Variants in THSD7B observed in about 807,000 individuals in gnomAD.
THSD7B encodes the protein thrombospondin type 1 domain containing 7B, also known as thrombospondin type-1 domain-containing protein 7B.
A neutral mutation model predicts 213.6 loss-of-function variants in THSD7B; 138 were observed. The ratio of observed to expected loss-of-function variants is 0.65; its 90% CI spans 0.56 to 0.74. The LOEUF (loss-of-function observed/expected upper bound fraction) is 0.74, where lower values mean the gene tolerates loss of function less well. Ranked by LOEUF, THSD7B falls within the 30% of genes least tolerant of loss-of-function variation. The pLI is 0.00. For missense variants in THSD7B, 1,931 were observed against 1,991.5 expected, an observed-to-expected ratio of 0.97 and a Z score of 0.58; for synonymous variants, 742 against 687.0, an observed-to-expected ratio of 1.08 and a Z score of -1.25.
chr2:137,579,142 A>AT (rs1681523477), intron 17 of THSD7B, among the ~76,000 whole-genome samples: 1 of 152,126 alleles, frequency 6.6e-6, no homozygotes, highest in Non-Finnish European at 1.5e-5. Flanking sequence ...TCCCTTAATC[A>AT]TTTTATTTTC....
chr2:137,610,761 AT>A lies in THSD7B; in HGVS notation c.3424-5405del, dbSNP rs561485900. On this transcript the variant is annotated intron_variant, in intron 17 of 27. Coordinates refer to ENST00000409968, the MANE Select transcript of THSD7B (RefSeq NM_001316349.2). ...TGACAAGTTTACATTTAAGAATCACATTTTTTTTTGCTTTAGATGTCATATA... is the reference window on the plus strand; with the variant it reads ...TGACAAGTTTACATTTAAGAATCACATTTTTTTTGCTTTAGATGTCATATA... 2.9e-3 allele frequency among the ~76,000 whole-genome samples: 430 copies of A among 149,992 alleles called. 1 individual carries two copies. Among genetic ancestry groups the A allele is most frequent in the African/African-American group, 8.9e-3 (363 of 40,960 alleles).
At chr2:137,219,277 G>A (rs1369045437) in intron 7 of THSD7B, among the ~76,000 whole-genome samples, 2 of 152,138 alleles carry the variant, frequency 1.3e-5, no homozygotes, top group Non-Finnish European at 2.9e-5. Flanking sequence ...GTTATCCTCT[G>A]AGAATTACAC....
At position 137,220,037 on chromosome 2, in the gene THSD7B, T is replaced by C. The variant is rs536041348; in HGVS notation, c.1724-11007T>C. ...GTTGGAGAATTCACTCTATCCAAAA[T>C]TATAAAATTATATGTTCTAATACAG... is the stretch of plus-strand genomic sequence containing the variant. On this transcript the variant is annotated intron_variant, in intron 7 of 27. Coordinates refer to ENST00000409968, the MANE Select transcript of THSD7B (RefSeq NM_001316349.2). Among the ~76,000 whole-genome samples the C allele has an allele frequency of 3.1e-4, 47 of 152,302 alleles. No homozygotes were observed. In the South Asian group the frequency reaches 4.1e-3, roughly 13 times the overall value.
intron 12 of THSD7B, among the ~76,000 whole-genome samples, chr2:137,341,732 C>G (rs912696607): frequency 1.3e-5 from 2 of 151,506 alleles, no homozygotes; most frequent in African/African-American, 4.8e-5. Context: ...GTCCTTTTTA[C>G]TATTGCATAT....
chr2:136,811,392 T>G (rs1218333981), intron 1 of THSD7B, among the ~76,000 whole-genome samples: 3 of 152,068 alleles, frequency 2.0e-5, no homozygotes, highest in Admixed American at 6.6e-5. Flanking sequence ...GAAATGAGGG[T>G]GAGGACTCAT....
At chr2:137,104,398 G>A (rs1426868163) in intron 4 of THSD7B, among the ~76,000 whole-genome samples, 1 of 152,130 alleles carries the variant, frequency 6.6e-6, no homozygotes, top group Non-Finnish European at 1.5e-5. Context: ...AGAGGGAAAT[G>A]TATAGCACTA....
At chr2:136,774,873 T>C (rs1403914197) in intron 1 of THSD7B, among the ~76,000 whole-genome samples, 1 of 152,124 alleles carries the variant, frequency 6.6e-6, no homozygotes, top group African/African-American at 2.4e-5. Context: ...TATTTTTTTA[T>C]AGCTAAGCAG....
intron 15 of THSD7B, among the ~76,000 whole-genome samples, chr2:137,451,554 T>G (rs996765730): frequency 6.6e-6 from 1 of 151,490 alleles, no homozygotes; most frequent in African/African-American, 2.4e-5. Flanking sequence ...CTTCTTTACC[T>G]GCTTTCTCAA....
In THSD7B at chr2:136,982,805, CTG is replaced by C. The variant is rs558136389; in HGVS notation, c.140-73612_140-73611del. On this transcript the variant is annotated intron_variant, in intron 2 of 27. Coordinates refer to ENST00000409968, the MANE Select transcript of THSD7B (RefSeq NM_001316349.2). Reference sequence around the variant, plus strand: ...TTTGATTAAGGCCAGTTTTAGAAAACTGTGAATTCAGAAAGGTTAATTTAGAA... The same window carrying C: ...TTTGATTAAGGCCAGTTTTAGAAAACTGAATTCAGAAAGGTTAATTTAGAA... 3.7e-3 allele frequency among the ~76,000 whole-genome samples: 561 copies of C among 152,226 alleles called. 4 individuals are homozygous for C. The highest frequency in any genetic ancestry group is 0.013 in the African/African-American group (538 of 41,536).
chr2:137,419,429 G>GCGC lies in THSD7B; in HGVS notation c.2959+7557_2959+7558insCGC, dbSNP rs1558791305. On this transcript the variant is annotated intron_variant, in intron 14 of 27. Coordinates refer to ENST00000409968, the MANE Select transcript of THSD7B (RefSeq NM_001316349.2). ...ACACTGATAATCGAAGAGTGAAAAGGACAGAGAATAATGTTACTGAGTGAT... is the reference window on the plus strand; with the variant it reads ...ACACTGATAATCGAAGAGTGAAAAGGCGCACAGAGAATAATGTTACTGAGTGAT... Among the ~76,000 whole-genome samples, 5 of 33,944 alleles carry GCGC rather than the reference G, an allele frequency of 1.5e-4. 2 individuals are homozygous for GCGC. The highest frequency in any genetic ancestry group is 7.0e-4 in the Non-Finnish European group (5 of 7,180). 22.3% of individuals were successfully genotyped at this position (33,944 alleles called of 152,430 possible). A position where few individuals can be genotyped will look rare whatever the true frequency, so the allele number is the denominator to read the frequency against.
chr2:137,412,244 T>G (rs189898604), intron 14 of THSD7B, among the ~76,000 whole-genome samples: 92 of 151,368 alleles, frequency 6.1e-4, no homozygotes, highest in African/African-American at 1.8e-3. Flanking sequence ...GCATCAGAAC[T>G]TGAGTGTCTT....
In THSD7B at chr2:137,170,879, A is replaced by G; in HGVS notation, c.1664A>G (p.Asp555Gly). The change falls in exon 7 of 28, where the codon GAT (aspartate) becomes GGT (glycine). Residue 555 changes from aspartate (D) to glycine (G), a missense_variant. Coordinates refer to ENST00000409968, the MANE Select transcript of THSD7B (RefSeq NM_001316349.2). ...GCATCAGAAGGGATCTGTTTCCCTGATCATGGAAAATGTGGCCTGGGACAT... is the reference window on the plus strand; with the variant it reads ...GCATCAGAAGGGATCTGTTTCCCTGGTCATGGAAAATGTGGCCTGGGACAT... ...WLASEGICFP[D>G]HGKCGLGHRI... 1 of 1,613,530 alleles carries G rather than the reference A, an allele frequency of 6.2e-7. No individual in the cohort carries two copies. The highest frequency in any genetic ancestry group is 8.5e-7 in the Non-Finnish European group (1 of 1,179,766).
chr2:137,185,608 G>A lies in THSD7B; in HGVS notation c.1723+14670G>A, dbSNP rs557835353. On this transcript the variant is annotated intron_variant, in intron 7 of 27. Coordinates refer to ENST00000409968, the MANE Select transcript of THSD7B (RefSeq NM_001316349.2). ...ATACGGCTGCATAGTATTCCATGAT[G>A]TATACATACCGCATTTTTTAATGCA... 2.6e-5 allele frequency among the ~76,000 whole-genome samples: 4 copies of A among 152,264 alleles called. No individual in the cohort carries two copies. The East Asian group carries it at 7.7e-4, about 29-fold the overall frequency.
Position 137,623,069 on chromosome 2 carries a change from A to G in THSD7B, c.3799+2343A>G, listed in dbSNP as rs187525780. ...AATATCCTTGATGAACATCGATGCA[A>G]AAATCCTCAATAAAATACTGGCAAA... is the stretch of plus-strand genomic sequence containing the variant. On this transcript the variant is annotated intron_variant, in intron 20 of 27. Coordinates refer to ENST00000409968, the MANE Select transcript of THSD7B (RefSeq NM_001316349.2). Among the ~76,000 whole-genome samples the G allele has an allele frequency of 6.8e-4, 104 of 152,332 alleles. 1 individual carries two copies. In the East Asian group the frequency reaches 0.019, roughly 29 times the overall value.
At chr2:137,215,887 A>G (rs915436398) in intron 7 of THSD7B, among the ~76,000 whole-genome samples, 1 of 152,172 alleles carries the variant, frequency 6.6e-6, no homozygotes, top group Non-Finnish European at 1.5e-5. Flanking sequence ...AGATTAAGCT[A>G]TGTGATAGGC....
At chr2:137,632,374 TA>T (rs1294426688) in intron 20 of THSD7B, among the ~76,000 whole-genome samples, 1 of 152,196 alleles carries the variant, frequency 6.6e-6, no homozygotes, top group Non-Finnish European at 1.5e-5. Flanking sequence ...GTTTATCTAA[TA>T]GGGATATAGC....
chr2:136,933,986 T>C (rs1684677129), intron 2 of THSD7B, among the ~76,000 whole-genome samples: 2 of 152,298 alleles, frequency 1.3e-5, no homozygotes, highest in East Asian at 1.9e-4. Context: ...TTTGGAGATA[T>C]ACCAATTCAG....
At chr2:137,464,931 C>T (rs534475935) in intron 15 of THSD7B, among the ~76,000 whole-genome samples, 1 of 152,084 alleles carries the variant, frequency 6.6e-6, no homozygotes, top group South Asian at 2.1e-4. Flanking sequence ...TCATCTCTCT[C>T]TGCAATCTTA....
intron 1 of THSD7B, among the ~76,000 whole-genome samples, chr2:136,796,989 C>CAA (rs1439843587): frequency 7.2e-6 from 1 of 138,426 alleles, no homozygotes; most frequent in African/African-American, 3.4e-5. Flanking sequence ...ATCACACACA[C>CAA]ACACACACAC....
Sources: allele counts gnomAD v4.1 joint callset (sites outside exome capture counted in the v4.1 genomes callset), GRCh38; gene constraint gnomAD v4.1.1; transcripts MANE v1.5; gene names NCBI Gene and HGNC (gene_info 2026-07-23, HGNC 2026-07-21).